PLXNA4: variants seen among roughly 807,000 people sequenced by gnomAD.
PLXNA4 encodes the protein plexin A4.
PLXNA4 carries 44 observed loss-of-function variants against 191.8 expected under a neutral mutation model. The observed-to-expected ratio is 0.23, with a 90% CI of 0.18 to 0.29. The LOEUF (loss-of-function observed/expected upper bound fraction) is 0.29, where lower values mean the gene tolerates loss of function less well. Among genes scored for constraint, PLXNA4 ranks in the 10% least tolerant of loss-of-function variants. PLXNA4 has a pLI of 1.00. For synonymous variants in PLXNA4, 1,082 were observed against 1,009.5 expected (o/e 1.07, Z -1.36); for missense variants, 1,800 against 2,488.8 (o/e 0.72, Z 5.89).
At chr7:132,196,997 G>GT (rs1402706866) in intron 13 of PLXNA4, among the ~76,000 whole-genome samples, 1 of 151,954 alleles carries the variant, frequency 6.6e-6, no homozygotes, top group Non-Finnish European at 1.5e-5. Flanking sequence ...CATACTCCCA[G>GT]TTTATCATTC....
intron 3 of PLXNA4, among the ~76,000 whole-genome samples, chr7:132,436,807 A>G (rs983541225): frequency 2.0e-5 from 3 of 151,782 alleles, no homozygotes; most frequent in African/African-American, 7.3e-5. Flanking sequence ...GACCTATTAA[A>G]ATCCCCAGCC....
chr7:132,490,701 C>T (rs1025736756), intron 2 of PLXNA4, among the ~76,000 whole-genome samples: 3 of 152,148 alleles, frequency 2.0e-5, no homozygotes, highest in Admixed American at 6.5e-5. Context: ...GCTAGCATTA[C>T]GGGTGTGAGC....
In PLXNA4 at chr7:132,128,643, CAT is replaced by C. The variant is rs1383167403; in HGVS notation, c.*1834_*1835del. 1 of 152,246 alleles carries C rather than the reference CAT, an allele frequency of 6.6e-6. No homozygotes were observed. Among genetic ancestry groups the C allele is most frequent in the Admixed American group, 6.5e-5 (1 of 15,278 alleles). 9.4% of individuals were successfully genotyped at this position (152,246 alleles called of 1,614,324 possible). On this transcript the variant is annotated 3_prime_UTR_variant, in exon 32 of 32. Transcript: ENST00000321063. The stretch of plus-strand genomic sequence containing the variant: ...ACACACACATACATGTGCTCACACA[CAT>C]GTGCACATATTCATATCCAAAGGGG...
intron 4 of PLXNA4, among the ~76,000 whole-genome samples, chr7:132,254,816 G>T (rs144305865): frequency 2.0e-4 from 30 of 152,292 alleles, no homozygotes; most frequent in African/African-American, 7.0e-4. Context: ...CGCATCTGGG[G>T]AGTCTGATCT....
chr7:132,610,010 T>C (rs1167373107), intron 2 of PLXNA4, among the ~76,000 whole-genome samples: 4 of 152,208 alleles, frequency 2.6e-5, no homozygotes, highest in Non-Finnish European at 5.9e-5. Flanking sequence ...TCTGCCTGCT[T>C]GAACTAGTGA....
chr7:132,522,430 C>T (rs1457121797), intron 1 of PLXNA4, among the ~76,000 whole-genome samples: 1 of 152,232 alleles, frequency 6.6e-6, no homozygotes, highest in Non-Finnish European at 1.5e-5. Flanking sequence ...TGCCTTTCCT[C>T]TCTCTATGCC....
In PLXNA4 at chr7:132,128,331, A is replaced by G. The variant is rs1349229650; in HGVS notation, c.*2148T>C. The G allele has an allele frequency of 1.3e-5, 2 of 151,940 alleles. No homozygotes were observed. Among genetic ancestry groups the G allele is most frequent in the African/African-American group, 4.8e-5 (2 of 41,330 alleles). The allele number at this position is 151,940 out of a possible 1,614,324, so 9.4% of individuals were successfully genotyped here. On this transcript the variant is annotated 3_prime_UTR_variant, in exon 32 of 32. Transcript: ENST00000321063. ...CATTGTTTCCCATTTTCCTCTTCCC[A>G]TTAGGTTGCTCATGTCTTTTCCACC...
intron 1 of PLXNA4, among the ~76,000 whole-genome samples, chr7:132,557,530 CTTTAA>C (rs67878013): frequency 0.42 from 62,711 of 150,018 alleles, 14,706 homozygotes; most frequent in South Asian, 0.62. Flanking sequence ...TTGAATTTTC[CTTTAA>C]TTTATCTTTT....
chr7:132,158,617 G>A (rs1301921533), intron 25 of PLXNA4, among the ~76,000 whole-genome samples: 2 of 152,190 alleles, frequency 1.3e-5, no homozygotes, highest in Non-Finnish European at 2.9e-5. Flanking sequence ...TACAAGGCAG[G>A]CACTATGATT....
intron 4 of PLXNA4, among the ~76,000 whole-genome samples, chr7:132,254,153 T>G (rs76524199): frequency 0.032 from 4,894 of 152,172 alleles, 271 homozygotes; most frequent in African/African-American, 0.11. Context: ...CACTCCAGGA[T>G]CTCCCTCAAT....
chr7:132,274,552 A>G (rs1321950068), intron 4 of PLXNA4, among the ~76,000 whole-genome samples: 1 of 152,016 alleles, frequency 6.6e-6, no homozygotes, highest in African/African-American at 2.4e-5. Context: ...TTTACTTGTT[A>G]TAACTCCTTT....
intron 3 of PLXNA4, among the ~76,000 whole-genome samples, chr7:132,342,455 T>C (rs1469965702): frequency 6.6e-6 from 1 of 152,024 alleles, no homozygotes; most frequent in Non-Finnish European, 1.5e-5. Flanking sequence ...GCTTAAAATA[T>C]CACGCTGTAG....
chr7:132,433,482 C>T (rs1795353206), intron 3 of PLXNA4, among the ~76,000 whole-genome samples: 1 of 152,168 alleles, frequency 6.6e-6, no homozygotes, highest in Non-Finnish European at 1.5e-5. Flanking sequence ...CACAGCAGAA[C>T]TGTTCTAAGA....
intron 9 of PLXNA4, among the ~76,000 whole-genome samples, chr7:132,211,466 C>A (rs1011888607): frequency 6.6e-6 from 1 of 152,226 alleles, no homozygotes; most frequent in African/African-American, 2.4e-5. Context: ...ACTGCCTCTG[C>A]GGGCTAGGCC....
chr7:132,204,255 G>A (rs73155281), intron 10 of PLXNA4, among the ~76,000 whole-genome samples: 7,094 of 152,254 alleles, frequency 0.047, 237 homozygotes, highest in South Asian at 0.077. Context: ...GATGGTGGAG[G>A]GGGCAGTCCC....
chr7:132,165,717 T>TTAA (rs1796102081), intron 22 of PLXNA4, among the ~76,000 whole-genome samples: 1 of 69,350 alleles, frequency 1.4e-5, no homozygotes, highest in Non-Finnish European at 3.2e-5. Context: ...TTCTTTTGGG[T>TTAA]GAAAAAAAAA....
At chr7:132,203,070 T>A (rs1797494531) in intron 11 of PLXNA4, among the ~76,000 whole-genome samples, 1 of 152,150 alleles carries the variant, frequency 6.6e-6, no homozygotes, top group South Asian at 2.1e-4. Context: ...TCAGCAGCCC[T>A]TCCCAGGAAG....
chr7:132,319,625 G>T (rs947071819), intron 3 of PLXNA4, among the ~76,000 whole-genome samples: 9 of 152,146 alleles, frequency 5.9e-5, no homozygotes, highest in Admixed American at 1.3e-4. Flanking sequence ...TGAAGTTTTG[G>T]CTCTGCATTC....
chr7:132,581,853 G>A (rs1214573525), upstream of PLXNA4, among the ~76,000 whole-genome samples: 1 of 152,238 alleles, frequency 6.6e-6, no homozygotes, highest in African/African-American at 2.4e-5. Context: ...CCCCTCTCCA[G>A]AATGCTTCCT....
Sources: allele counts gnomAD v4.1 joint callset (sites outside exome capture counted in the v4.1 genomes callset), GRCh38; gene constraint gnomAD v4.1.1; transcripts MANE v1.5; gene names NCBI Gene and HGNC (gene_info 2026-07-23, HGNC 2026-07-21).